MACF1: variants seen among roughly 807,000 people sequenced by gnomAD.
MACF1 encodes microtubule actin crosslinking factor 1, also known as microtubule-actin cross-linking factor 1.
MACF1 carries 193 observed loss-of-function variants against 854.8 expected under a neutral mutation model. The observed-to-expected ratio is 0.23, with a 90% CI of 0.20 to 0.25. MACF1 has a LOEUF of 0.25. MACF1 is among the 10% of genes least tolerant of loss of function. The pLI, the probability that MACF1 is intolerant of heterozygous loss-of-function variation, is 1.00. For synonymous variants in MACF1, 3,185 were observed against 3,226.7 expected (o/e 0.99, Z 0.44); for missense variants, 7,722 against 8,929.1 (o/e 0.86, Z 5.45).
intron 6 of MACF1, among the ~76,000 whole-genome samples, chr1:39,280,129 C>T (rs975201523): frequency 2.0e-5 from 3 of 152,048 alleles, no homozygotes; most frequent in Non-Finnish European, 4.4e-5. Flanking sequence ...AACTCCTGAC[C>T]TCAGGTGATC....
intron 85 of MACF1, 45 bp downstream of exon 85, chr1:39,451,256 G>A: frequency 6.3e-7 from 1 of 1,576,274 alleles, no homozygotes. Context: ...TGGGTCTTCT[G>A]TATATGACTG....
intron 2 of MACF1, among the ~76,000 whole-genome samples, chr1:39,156,368 C>T (rs904090189): frequency 3.9e-5 from 6 of 152,198 alleles, no homozygotes; most frequent in Admixed American, 2.6e-4. Flanking sequence ...GCCAGGCCCC[C>T]AGCACTTTTG....
intron 15 of MACF1, 142 bp downstream of exon 15, chr1:39,287,704 G>A: frequency 3.1e-6 from 3 of 952,560 alleles, no homozygotes; most frequent in Non-Finnish European, 4.7e-6. Flanking sequence ...ATGGGGTCTT[G>A]CTATGTTGCC....
chr1:39,355,427 T>G (rs983458337), intron 44 of MACF1, among the ~76,000 whole-genome samples: 3 of 151,844 alleles, frequency 2.0e-5, no homozygotes, highest in African/African-American at 7.3e-5. Context: ...GAGCAAGATA[T>G]ATTTGTCATT....
chr1:39,458,612 A>C, intron 90 of MACF1, 122 bp downstream of exon 90: 1 of 1,277,710 alleles, frequency 7.8e-7, no homozygotes, highest in East Asian at 2.5e-5. Context: ...TTTTGAACCA[A>C]AATCTCTCAT....
At chr1:39,094,859 C>T (rs551293746) in intron 2 of MACF1, among the ~76,000 whole-genome samples, 2 of 152,214 alleles carry the variant, frequency 1.3e-5, no homozygotes, top group South Asian at 4.2e-4. Context: ...GTACTGCACT[C>T]TACCCTGGGC....
intron 71 of MACF1, among the ~76,000 whole-genome samples, chr1:39,438,216 A>G (rs1490945554): frequency 6.6e-6 from 1 of 152,250 alleles, no homozygotes; most frequent in African/African-American, 2.4e-5. Context: ...TTAGATTCCC[A>G]GGCCAGGAAA....
chr1:39,478,777 G>T (rs1250284461), intron 97 of MACF1, among the ~76,000 whole-genome samples: 1 of 152,160 alleles, frequency 6.6e-6, no homozygotes, highest in Non-Finnish European at 1.5e-5. Flanking sequence ...TTAAACATCT[G>T]TTATAGAAAA....
At chr1:39,235,008 C>T (rs1020960670) in intron 2 of MACF1, among the ~76,000 whole-genome samples, 5 of 151,670 alleles carry the variant, frequency 3.3e-5, no homozygotes, top group African/African-American at 4.8e-5. Flanking sequence ...CGGAGACGCT[C>T]CTCACTTTCC....
chr1:39,118,620 G>A (rs1423615563), intron 2 of MACF1, among the ~76,000 whole-genome samples: 2 of 152,200 alleles, frequency 1.3e-5, no homozygotes, highest in Non-Finnish European at 2.9e-5. Flanking sequence ...TATCCTGTGG[G>A]AAGTACCTGG....
At chr1:39,307,998 G>C (rs1016813880) in intron 23 of MACF1, among the ~76,000 whole-genome samples, 125 of 142,762 alleles carry the variant, frequency 8.8e-4, no homozygotes, top group African/African-American at 3.1e-3. Context: ...TCTGCCTCCT[G>C]GGTTCACTCC....
intron 61 of MACF1, among the ~76,000 whole-genome samples, chr1:39,425,795 A>G (rs2148642961): frequency 6.6e-6 from 1 of 152,228 alleles, no homozygotes; most frequent in South Asian, 2.1e-4. Context: ...CTTTATCTGT[A>G]CCTTGTATTA....
At chr1:39,172,978 G>A (rs1358228824) in intron 2 of MACF1, among the ~76,000 whole-genome samples, 1 of 152,126 alleles carries the variant, frequency 6.6e-6, no homozygotes, top group Admixed American at 6.5e-5. Context: ...TCTCTACCTT[G>A]CTAGGAAAAT....
chr1:39,102,125 C>A (rs1317906311), intron 2 of MACF1, among the ~76,000 whole-genome samples: 1 of 149,676 alleles, frequency 6.7e-6, no homozygotes, highest in Non-Finnish European at 1.5e-5. Context: ...TGCAGTAAGC[C>A]GAGATCGCGC....
At chr1:39,288,744 A>G (rs1321000474) in intron 15 of MACF1, among the ~76,000 whole-genome samples, 1 of 152,154 alleles carries the variant, frequency 6.6e-6, no homozygotes. Context: ...GTGAGCCAAG[A>G]TCGCACCACT....
chr1:39,462,288 A>G (rs1245725852), intron 93 of MACF1, among the ~76,000 whole-genome samples: 1 of 152,204 alleles, frequency 6.6e-6, no homozygotes, highest in Non-Finnish European at 1.5e-5. Flanking sequence ...TGAAGTTTAC[A>G]GAGAACCTTT....
At chr1:39,477,050 T>C (rs1644901216) in intron 97 of MACF1, among the ~76,000 whole-genome samples, 2 of 7,010 alleles carry the variant, frequency 2.9e-4, no homozygotes, top group Non-Finnish European at 5.4e-4. Context: ...TTAGTGTATA[T>C]ATATATATAT....
At chr1:39,304,418 G>T in intron 23 of MACF1, 1 of 1,225,764 alleles carries the variant, frequency 8.2e-7, no homozygotes, top group Non-Finnish European at 1.2e-6. Context: ...CCTGCTAACT[G>T]GTTGACCCTC....
chr1:39,250,223 G>A (rs1645025352), intron 3 of MACF1, 120 bp downstream of exon 3: 1 of 566,928 alleles, frequency 1.8e-6, no homozygotes, highest in Non-Finnish European at 3.1e-6. Flanking sequence ...GGAGGAAGAA[G>A]TAGAAGGAAA....
Sources: gnomAD v4.1 joint callset for allele counts (sites outside exome capture counted in the v4.1 genomes callset) on GRCh38, gnomAD v4.1.1 for gene constraint, MANE v1.5 for transcripts, NCBI Gene and HGNC (gene_info 2026-07-23, HGNC 2026-07-21) for gene names.